Variants in C11orf71 observed in about 807,000 individuals in gnomAD.
C11orf71 encodes the protein uncharacterized protein C11orf71.
For synonymous variants in C11orf71, 72 were observed against 73.4 expected, an observed-to-expected ratio of 0.98 and a Z score of 0.09; for missense variants, 179 against 167.6, an observed-to-expected ratio of 1.07 and a Z score of -0.38.
chr11:114,391,698 G>T, intron 1 of C11orf71: 2 of 1,017,252 alleles, frequency 2.0e-6, no homozygotes, highest in Non-Finnish European at 2.8e-6. Context: ...GTATAAGATG[G>T]CAGGGAGTGG....
rs779433267 is a variant in C11orf71, at chr11:114,399,624, T to C, written c.*336A>G. ...AGTGTAATAAAAAGGAGCACTTCTT[T>C]TTCGCCAACAGAAGTAAAGGTAAAG... is the stretch of plus-strand genomic sequence containing the variant. On this transcript the variant is annotated 3_prime_UTR_variant, in exon 1 of 1. Transcript: ENST00000623205. 7.9e-5 allele frequency: 18 copies of C among 226,748 alleles called. No homozygotes were observed. Among genetic ancestry groups the C allele is most frequent in the Non-Finnish European group, 1.6e-4 (18 of 114,772 alleles). The allele number at this position is 226,748 out of a possible 1,614,324, so 14.0% of individuals were successfully genotyped here. A position where few individuals can be genotyped will look rare whatever the true frequency, so the allele number is the denominator to read the frequency against.
downstream of C11orf71, among the ~76,000 whole-genome samples, chr11:114,397,826 T>C (rs1428034026): frequency 1.6e-4 from 24 of 152,210 alleles, no homozygotes. Context: ...CTTGGCATAA[T>C]TGATGGCACC....
At chr11:114,395,065 C>A (rs1160855986), downstream of C11orf71, among the ~76,000 whole-genome samples, 1 of 151,814 alleles carries the variant, frequency 6.6e-6, no homozygotes, top group Admixed American at 6.6e-5. Context: ...TCATTCAACA[C>A]GCATTCATTA....
At position 114,400,431 on chromosome 11, in the gene C11orf71, A is replaced by C. The variant is rs1316727264; in HGVS notation, c.-100T>G. ...CCAGCCTGTGTCGGACCCGATGACT[A>C]AGCACACAGGAACCCATAACTGAGC... On this transcript the variant is annotated 5_prime_UTR_variant, in exon 1 of 1. Coordinates refer to ENST00000623205, the MANE Select transcript of C11orf71 (RefSeq NM_001271562.2). 7.0e-7 allele frequency: 1 copy of C among 1,423,192 alleles called. No individual in the cohort carries two copies. Among genetic ancestry groups the C allele is most frequent in the African/African-American group, 1.4e-5 (1 of 69,454 alleles). The allele number at this position is 1,423,192 out of a possible 1,614,324, so 88.2% of individuals were successfully genotyped here. A position where few individuals can be genotyped will look rare whatever the true frequency, so the allele number is the denominator to read the frequency against.
Position 114,400,409 on chromosome 11 carries a change from G to A in C11orf71, c.-78C>T, listed in dbSNP as rs759658229. On this transcript the variant is annotated 5_prime_UTR_variant, in exon 1 of 1. Transcript: ENST00000623205. ...CTTCGCGGCTCCCCAGATCAGTCCA[G>A]CCTGTGTCGGACCCGATGACTAAGC... 2.0e-6 allele frequency: 3 copies of A among 1,476,196 alleles called. No homozygotes were observed. The highest frequency in any genetic ancestry group is 2.7e-6 in the Non-Finnish European group (3 of 1,109,302). The allele number at this position is 1,476,196 out of a possible 1,614,324, so 91.4% of individuals were successfully genotyped here.
downstream of C11orf71, among the ~76,000 whole-genome samples, chr11:114,394,210 T>TTTC (rs781193742): frequency 1.6e-5 from 1 of 61,136 alleles, no homozygotes; most frequent in Non-Finnish European, 2.7e-5. Context: ...TTTCTTTTCT[T>TTTC]TTCTTTTCTT....
chr11:114,394,563 G>A (rs12789793), downstream of C11orf71, among the ~76,000 whole-genome samples: 57,824 of 151,702 alleles, frequency 0.38, 11,312 homozygotes, highest in South Asian at 0.51. Flanking sequence ...CCAAAGTGCT[G>A]GGATTACAGG....
Position 114,400,336 on chromosome 11 carries a change from A to C in C11orf71, c.-5T>G. 1 of 1,597,918 alleles carries C rather than the reference A, an allele frequency of 6.3e-7. No homozygotes were observed. The highest frequency in any genetic ancestry group is 8.5e-7 in the Non-Finnish European group (1 of 1,171,952). ...GGACACATTGTTCAGGGCCATATTC[A>C]AACACTGCCCGCAGTACTTGCGTTA... On this transcript the variant is annotated 5_prime_UTR_variant, in exon 1 of 1. Transcript: ENST00000623205.
chr11:114,395,066 G>A (rs150405495), downstream of C11orf71, among the ~76,000 whole-genome samples: 34 of 151,886 alleles, frequency 2.2e-4, no homozygotes, highest in Non-Finnish European at 3.7e-4. Flanking sequence ...CATTCAACAC[G>A]CATTCATTAA....
chr11:114,391,726 T>C (rs1946074013), intron 1 of C11orf71: 6 of 664,428 alleles, frequency 9.0e-6, no homozygotes, highest in African/African-American at 1.8e-5. Flanking sequence ...CAAAAATGCA[T>C]GTCCCAGCAA....
rs1946175957 is a variant in C11orf71 at position 114,400,285 on chromosome 11, C to T, written c.47G>A (p.Arg16Lys). Residue 16 changes from arginine (R) to lysine (K), a missense_variant, in exon 1 of 1, where the codon AGG (arginine) becomes AAG (lysine). Physicochemically the swap from Arg to Lys is conservative, Grantham distance 26. Coordinates refer to ENST00000623205, the MANE Select transcript of C11orf71 (RefSeq NM_001271562.2). Reference sequence around the variant, plus strand: ...GCCATGGGAAGAGCGGTAGGCCACCCTGCTCCTCTGATCACCGGAGGACAG... The same window carrying T: ...GCCATGGGAAGAGCGGTAGGCCACCTTGCTCCTCTGATCACCGGAGGACAG... ...VSLSSGDQRS[R>K]VAYRSSHGDL... 1 of 1,610,206 alleles carries T rather than the reference C, an allele frequency of 6.2e-7. No individual in the cohort carries two copies. Among genetic ancestry groups the T allele is most frequent in the Non-Finnish European group, 8.5e-7 (1 of 1,178,368 alleles).
At chr11:114,394,294 T>C (rs149380781), downstream of C11orf71, among the ~76,000 whole-genome samples, 4,338 of 40,844 alleles carry the variant, frequency 0.11, 518 homozygotes, top group African/African-American at 0.3. Flanking sequence ...TTTCTCTTAT[T>C]TTCTTTTCTT....
At chr11:114,396,961 T>C (rs1164188684), downstream of C11orf71, among the ~76,000 whole-genome samples, 7 of 152,192 alleles carry the variant, frequency 4.6e-5, no homozygotes, top group African/African-American at 1.7e-4. Flanking sequence ...CTCATTGGTC[T>C]TTTTTTCCAA....
chr11:114,394,279 T>C (rs148589404), downstream of C11orf71, among the ~76,000 whole-genome samples: 3,759 of 87,810 alleles, frequency 0.043, 501 homozygotes, highest in African/African-American at 0.22. Flanking sequence ...TTTCTTTTCT[T>C]TTCTTTTCTC....
Position 114,399,823 on chromosome 11 carries a change from A to T in C11orf71, c.*137T>A. 2.5e-6 allele frequency: 3 copies of T among 1,217,788 alleles called. No individual in the cohort carries two copies. The highest frequency in any genetic ancestry group is 3.3e-6 in the Non-Finnish European group (3 of 902,108). The allele number at this position is 1,217,788 out of a possible 1,614,324, so 75.4% of individuals were successfully genotyped here. A position where few individuals can be genotyped will look rare whatever the true frequency, so the allele number is the denominator to read the frequency against. ...GTTACACTTCCCTTAGTGCTAGGAC[A>T]TATTCATATAACTCCCACGTATTAA... On this transcript the variant is annotated 3_prime_UTR_variant, in exon 1 of 1. Transcript: ENST00000623205.
rs1402815446 is a variant in C11orf71 at position 114,400,240 on chromosome 11, G to A, written c.92C>T (p.Ser31Leu). 1 of 1,611,674 alleles carries A rather than the reference G, an allele frequency of 6.2e-7. No homozygotes were observed. The highest frequency in any genetic ancestry group is 2.2e-5 in the East Asian group (1 of 44,772). ...GTCTCCGGAGACCATCGCCAACGCT[G>A]ACGCCCGCGGTCTGAGGTCGCCATG... ...SSHGDLRPRASALAMVSGDGF... is the reference protein window; with the variant it reads ...SSHGDLRPRALALAMVSGDGF... The change falls in exon 1 of 1, where the codon TCA becomes TTA. Residue 31 changes from serine to leucine, a missense_variant. Ser to Leu is a moderately radical substitution (Grantham distance 145, BLOSUM62 -2). Transcript: ENST00000623205.
chr11:114,394,247 C>CTTTCTTTTCT (rs1946105246), downstream of C11orf71, among the ~76,000 whole-genome samples: 2 of 60,594 alleles, frequency 3.3e-5, no homozygotes, highest in Admixed American at 2.3e-4. Context: ...CTTTTCTTTT[C>CTTTCTTTTCT]TTTTCTTTTC....
downstream of C11orf71, among the ~76,000 whole-genome samples, chr11:114,394,105 A>G (rs921202504): frequency 2.0e-5 from 3 of 151,302 alleles, no homozygotes; most frequent in Non-Finnish European, 4.4e-5. Flanking sequence ...TCAGCCTCCC[A>G]AGTAGCTGGG....
chr11:114,398,220 G>C (rs991975140), downstream of C11orf71, among the ~76,000 whole-genome samples: 1 of 152,020 alleles, frequency 6.6e-6, no homozygotes, highest in Non-Finnish European at 1.5e-5. Context: ...CTCAACCACG[G>C]GTTTTTGTAA....
Sources: gnomAD v4.1 joint callset for allele counts (sites outside exome capture counted in the v4.1 genomes callset) on GRCh38, gnomAD v4.1.1 for gene constraint, MANE v1.5 for transcripts, NCBI Gene and HGNC (gene_info 2026-07-23, HGNC 2026-07-21) for gene names.